SPDYE21: variants seen among roughly 807,000 people sequenced by gnomAD.
The protein encoded by SPDYE21 is speedy/RINGO cell cycle regulator family member E21.
In SPDYE21, 14 loss-of-function variants were observed where a neutral mutation model predicts 36.2. That is an observed-to-expected ratio of 0.39 (90% CI 0.26 to 0.61). The LOEUF (loss-of-function observed/expected upper bound fraction) is 0.61, where lower values mean the gene tolerates loss of function less well. SPDYE21 is among the 20% of genes least tolerant of loss of function. SPDYE21 has a pLI of 0.55. For missense variants in SPDYE21, 233 were observed against 424.6 expected (o/e 0.55, Z 3.97); for synonymous variants, 58 against 155.1 (o/e 0.37, Z 4.65).
chr7:67,278,930 G>A (rs1201969211), intron 2 of SPDYE21, among the ~76,000 whole-genome samples, 57 bp downstream of exon 2: 1 of 151,708 alleles, frequency 6.6e-6, no homozygotes, highest in Non-Finnish European at 1.5e-5. Context: ...GAAGGAAGGG[G>A]GCCGGGTGCG....
Sources: allele counts gnomAD v4.1 joint callset (sites outside exome capture counted in the v4.1 genomes callset), GRCh38; gene constraint gnomAD v4.1.1; transcripts MANE v1.5; gene names NCBI Gene and HGNC (gene_info 2026-07-23, HGNC 2026-07-21).